Variants in NUP153 observed in about 807,000 individuals in gnomAD.
NUP153 encodes nucleoporin 153, also known as nuclear pore complex protein Nup153.
Under a neutral mutation model 134.6 loss-of-function variants are expected in NUP153, and 27 were observed. That is an observed-to-expected ratio of 0.20 (90% CI 0.15 to 0.28). The LOEUF (loss-of-function observed/expected upper bound fraction) is 0.28. NUP153 is among the 10% of genes least tolerant of loss of function. The probability of loss-of-function intolerance (pLI) is 1.00; values close to 1 mark genes in which losing one functional copy is unlikely to be tolerated. For synonymous variants in NUP153, 640 were observed against 623.5 expected, an observed-to-expected ratio of 1.03 and a Z score of -0.40; for missense variants, 1,821 against 1,731.3, an observed-to-expected ratio of 1.05 and a Z score of -0.92.
intron 2 of NUP153, among the ~76,000 whole-genome samples, chr6:17,682,093 C>T (rs1289447795): frequency 3.3e-5 from 5 of 152,078 alleles, no homozygotes; most frequent in Admixed American, 3.3e-4. Context: ...TCTTGTAGTC[C>T]CAGCTACCTG....
At chr6:17,682,324 C>G (rs1554144907) in intron 2 of NUP153, among the ~76,000 whole-genome samples, 2 of 152,122 alleles carry the variant, frequency 1.3e-5, no homozygotes, top group Non-Finnish European at 1.5e-5. Context: ...GTCTTTGCCT[C>G]AATGTTGATG....
intron 14 of NUP153, among the ~76,000 whole-genome samples, chr6:17,645,484 G>A (rs565281150): frequency 2.1e-5 from 3 of 141,018 alleles, no homozygotes; most frequent in South Asian, 2.2e-4. Flanking sequence ...TTTTTTTTTC[G>A]GTAGGGATGA....
At chr6:17,663,232 TACACACACACAC>T (rs35061480) in intron 9 of NUP153, among the ~76,000 whole-genome samples, 5 of 144,010 alleles carry the variant, frequency 3.5e-5, no homozygotes, top group African/African-American at 1.0e-4. Context: ...AAGAAAAAAA[TACACACACACAC>T]ACACACACAC....
At chr6:17,662,866 C>A (rs984152810) in intron 9 of NUP153, among the ~76,000 whole-genome samples, 1 of 152,076 alleles carries the variant, frequency 6.6e-6, no homozygotes, top group Non-Finnish European at 1.5e-5. Context: ...GCAGAACATT[C>A]TACAAAATAA....
chr6:17,696,648 G>C (rs1245370298), intron 1 of NUP153, among the ~76,000 whole-genome samples: 1 of 151,812 alleles, frequency 6.6e-6, no homozygotes, highest in Non-Finnish European at 1.5e-5. Context: ...CCAGCTCCTC[G>C]GGAGGCTGAG....
chr6:17,674,058 T>C (rs1768069986), intron 5 of NUP153, among the ~76,000 whole-genome samples: 1 of 152,160 alleles, frequency 6.6e-6, no homozygotes, highest in South Asian at 2.1e-4. Context: ...TTATGCTAAG[T>C]AGAATAAGCC....
In NUP153 at chr6:17,628,810, T is replaced by C. The variant is rs1765079168; in HGVS notation, c.3389A>G (p.Gln1130Arg). The C allele has an allele frequency of 1.2e-6, 2 of 1,614,058 alleles. No homozygotes were observed. Among genetic ancestry groups the C allele is most frequent in the Non-Finnish European group, 1.7e-6 (2 of 1,180,032 alleles). The change falls in exon 18 of 22, where the codon CAA becomes CGA. Residue 1130 changes from glutamine to arginine, a missense_variant. Physicochemically the swap from Gln to Arg is conservative, Grantham distance 43. Transcript: ENST00000262077. The surrounding 1 kb of genome is among the most constrained non-coding windows in gnomAD (Gnocchi z 5.4). ...KKADNEEPKC[Q>R]PVFSFGNSEQ... The stretch of plus-strand genomic sequence containing the variant: ...TGAATTCCCAAAGGAAAACACTGGT[T>C]GACACTTTGGCTCTTCATTGTCAGC...
chr6:17,637,155 G>A lies in NUP153; in HGVS notation c.2462C>T (p.Pro821Leu), dbSNP rs6905654. ...ACTCCATAAAGCCAAAAACATACCT[G>A]GTTTCTCAGACATACAGGACACACA... is the stretch of plus-strand genomic sequence containing the variant. ...NKCVSCMSEK[P>L]GSSVPASSSS... is the part of the protein sequence containing the mutation. Residue 821 changes from proline (P) to leucine (L), a missense_variant and splice_region_variant, in exon 16 of 22, where the codon CCA becomes CTA. Coordinates refer to ENST00000262077, the MANE Select transcript of NUP153 (RefSeq NM_005124.4). 3,152 of 1,599,002 alleles carry A rather than the reference G, an allele frequency of 2.0e-3. 62 individuals are homozygous for A. In the African/African-American group the frequency reaches 0.036, roughly 18 times the overall value.
At chr6:17,676,144 G>A (rs796246084) in intron 2 of NUP153, among the ~76,000 whole-genome samples, 2 of 152,064 alleles carry the variant, frequency 1.3e-5, no homozygotes, top group Non-Finnish European at 1.5e-5. Flanking sequence ...AGTTTTACCC[G>A]TATTTTGATA....
intron 20 of NUP153, among the ~76,000 whole-genome samples, chr6:17,617,599 T>C (rs919962600): frequency 6.6e-6 from 1 of 152,036 alleles, no homozygotes; most frequent in African/African-American, 2.4e-5. Context: ...TCCTAGCACT[T>C]TGGGAGGCCA....
In NUP153 at chr6:17,669,355, A is replaced by G. The variant is rs202198994; in HGVS notation, c.970-18T>C. ...TTTGCATCCTGTTAAAGTTGAAAAA[A>G]TAACAAAATTAAGATTTTTCAATAA... On this transcript the variant is annotated intron_variant, in intron 6 of 21. Coordinates refer to ENST00000262077, the MANE Select transcript of NUP153 (RefSeq NM_005124.4). 21 of 1,607,032 alleles carry G rather than the reference A, an allele frequency of 1.3e-5. No homozygotes were observed. In the East Asian group the frequency reaches 3.1e-4, roughly 24 times the overall value.
At chr6:17,653,106 A>T (rs528126223) in intron 11 of NUP153, among the ~76,000 whole-genome samples, 1 of 152,086 alleles carries the variant, frequency 6.6e-6, no homozygotes, top group Non-Finnish European at 1.5e-5. Flanking sequence ...ATAAAAAATT[A>T]GCCGGGCATG....
In NUP153 at chr6:17,675,745, T is replaced by A; in HGVS notation, c.360A>T (p.Ser120=). The change falls in exon 3 of 22, where the codon TCA becomes TCT. Residue 120 remains serine, a synonymous_variant. Transcript: ENST00000262077. This position sits in a 1 kb window ranked among gnomAD's most constrained non-coding sequence, Gnocchi z 4.4. ...TEEPSTTSTA[S]NYPDVLTRPS... ...GCCTTGTTAACACATCTGGATAATTTGAAGCAGTACTAGTTGTTGAAGGTT... is the reference window on the plus strand; with the variant it reads ...GCCTTGTTAACACATCTGGATAATTAGAAGCAGTACTAGTTGTTGAAGGTT... 1 of 1,613,808 alleles carries A rather than the reference T, an allele frequency of 6.2e-7. No individual in the cohort carries two copies. The highest frequency in any genetic ancestry group is 8.5e-7 in the Non-Finnish European group (1 of 1,179,690).
chr6:17,646,048 G>A lies in NUP153; in HGVS notation c.1720+19C>T, dbSNP rs1766156860. On this transcript the variant is annotated intron_variant, in intron 14 of 21. Transcript: ENST00000262077. ...TATGCAATTGTTTGTATGTTAAAATGTAAGAAATTTTTACTTACCTGAACT... is the reference window on the plus strand; with the variant it reads ...TATGCAATTGTTTGTATGTTAAAATATAAGAAATTTTTACTTACCTGAACT... The A allele has an allele frequency of 1.7e-6, 2 of 1,164,698 alleles. No individual in the cohort carries two copies. Among genetic ancestry groups the A allele is most frequent in the Non-Finnish European group, 2.5e-6 (2 of 787,510 alleles). 72.1% of individuals were successfully genotyped at this position (1,164,698 alleles called of 1,614,324 possible).
At position 17,669,031 on chromosome 6, in the gene NUP153, G is replaced by GAAA. The variant is rs201122253; in HGVS notation, c.1015-6_1015-4dup. ...TCTATCCCACTCCTATCAAGAGGCT[G>GAAA]AAAAAAAAAAAAAACACTATTAGAA... On this transcript the variant is annotated splice_polypyrimidine_tract_variant and splice_region_variant and intron_variant, in intron 7 of 21. Transcript: ENST00000262077. 8.1e-4 allele frequency: 973 copies of GAAA among 1,197,894 alleles called. No homozygotes were observed. Among genetic ancestry groups the GAAA allele is most frequent in the South Asian group, 1.0e-3 (59 of 59,026 alleles). The allele number at this position is 1,197,894 out of a possible 1,614,324, so 74.2% of individuals were successfully genotyped here.
intron 14 of NUP153, among the ~76,000 whole-genome samples, chr6:17,641,727 C>A (rs1017926345): frequency 2.0e-5 from 3 of 151,944 alleles, no homozygotes; most frequent in African/African-American, 7.3e-5. Context: ...TGGTGGCAGG[C>A]GCCTGTAGTC....
intron 2 of NUP153, among the ~76,000 whole-genome samples, chr6:17,683,918 T>C (rs1280157747): frequency 6.6e-6 from 1 of 152,126 alleles, no homozygotes; most frequent in Non-Finnish European, 1.5e-5. Flanking sequence ...ATGTTGGAAG[T>C]GGGGTCATGG....
chr6:17,668,768 G>A (rs1189403671), intron 8 of NUP153, among the ~76,000 whole-genome samples: 5 of 151,882 alleles, frequency 3.3e-5, no homozygotes, highest in Admixed American at 2.6e-4. Context: ...GCTTGAACCT[G>A]GGAGCCATAG....
At chr6:17,650,637 C>A (rs1766450665) in intron 11 of NUP153, among the ~76,000 whole-genome samples, 1 of 141,986 alleles carries the variant, frequency 7.0e-6, no homozygotes, top group Non-Finnish European at 1.6e-5. Flanking sequence ...CCAGATAAAA[C>A]AAAGAATCTA....
Sources: allele counts gnomAD v4.1 joint callset (sites outside exome capture counted in the v4.1 genomes callset), GRCh38; gene constraint gnomAD v4.1.1; non-coding constraint Gnocchi (gnomAD v3.1); transcripts MANE v1.5; gene names NCBI Gene and HGNC (gene_info 2026-07-23, HGNC 2026-07-21).